PTAFR: variants seen among roughly 807,000 people sequenced by gnomAD.
The protein encoded by PTAFR is platelet activating factor receptor, also known as platelet-activating factor receptor.
A neutral mutation model predicts 14.7 loss-of-function variants in PTAFR; 8 were observed. The ratio of observed to expected loss-of-function variants is 0.54; its 90% CI spans 0.32 to 0.98. The LOEUF is 0.98. Among genes scored for constraint, PTAFR ranks in the 50% least tolerant of loss-of-function variants. The pLI, the probability that PTAFR is intolerant of heterozygous loss-of-function variation, is 0.04. For synonymous variants in PTAFR, 156 were observed against 176.5 expected, an observed-to-expected ratio of 0.88 and a Z score of 0.92; for missense variants, 337 against 451.2, an observed-to-expected ratio of 0.75 and a Z score of 2.29.
chr1:28,180,882 G>A (rs1646556628), upstream of PTAFR, among the ~76,000 whole-genome samples: 1 of 152,000 alleles, frequency 6.6e-6, no homozygotes, highest in Admixed American at 6.6e-5. Flanking sequence ...TACAGAGTAT[G>A]AAGAAAAAAG....
At chr1:28,193,207 T>C (rs775706692) in intron 1 of PTAFR, among the ~76,000 whole-genome samples, 4 of 151,984 alleles carry the variant, frequency 2.6e-5, no homozygotes, top group Non-Finnish European at 5.9e-5. Flanking sequence ...AAGATATTTG[T>C]GAGACCTTGC....
rs756535859 is a variant in PTAFR at position 28,149,953 on chromosome 1, A to T, written c.*40T>A. The T allele has an allele frequency of 1.9e-6, 3 of 1,577,454 alleles. No homozygotes were observed. Among genetic ancestry groups the T allele is most frequent in the Admixed American group, 1.7e-5 (1 of 57,564 alleles). ...CCTTCTTCCCCCAGCTCAGTCCATG[A>T]TGTTCATGGAGGAGAAGACTTCAGG... is the stretch of plus-strand genomic sequence containing the variant. On this transcript the variant is annotated 3_prime_UTR_variant, in exon 2 of 2. Transcript: ENST00000373857.
intron 1 of PTAFR, among the ~76,000 whole-genome samples, chr1:28,190,460 A>T (rs558561514): frequency 9.2e-5 from 14 of 152,272 alleles, no homozygotes; most frequent in Non-Finnish European, 1.9e-4. Flanking sequence ...CTGTTTTGTA[A>T]TATTATTCTA....
chr1:28,182,345 G>A (rs1326616497), intron 1 of PTAFR, among the ~76,000 whole-genome samples: 1 of 144,916 alleles, frequency 6.9e-6, no homozygotes, highest in African/African-American at 2.5e-5. Flanking sequence ...AAAAAAGAAA[G>A]AGAGAGAGAG....
intron 1 of PTAFR, among the ~76,000 whole-genome samples, chr1:28,157,663 C>CT (rs1646280241): frequency 2.1e-5 from 3 of 146,084 alleles, no homozygotes; most frequent in African/African-American, 7.9e-5. Flanking sequence ...GAGTCTCCCT[C>CT]TGTCACCCAG....
intron 1 of PTAFR, among the ~76,000 whole-genome samples, chr1:28,174,172 G>A (rs1472367562): frequency 2.0e-5 from 3 of 152,060 alleles, no homozygotes; most frequent in African/African-American, 7.2e-5. Context: ...CTGCAGCAGG[G>A]TCCCAGCACT....
intron 1 of PTAFR, among the ~76,000 whole-genome samples, chr1:28,161,907 G>T (rs1646328237): frequency 6.6e-6 from 1 of 152,158 alleles, no homozygotes; most frequent in Non-Finnish European, 1.5e-5. Context: ...GTAAGAGGAC[G>T]ATCTGGATTA....
chr1:28,174,694 A>G (rs1343178953), intron 1 of PTAFR, among the ~76,000 whole-genome samples: 1 of 152,184 alleles, frequency 6.6e-6, no homozygotes, highest in Non-Finnish European at 1.5e-5. Flanking sequence ...TGTCCTGTGC[A>G]TATTCTAAGC....
At chr1:28,167,633 ATTTTT>A (rs780344665) in intron 1 of PTAFR, among the ~76,000 whole-genome samples, 11 of 80,230 alleles carry the variant, frequency 1.4e-4, no homozygotes, top group East Asian at 8.2e-4. Flanking sequence ...TGAAAACGGG[ATTTTT>A]TTTTTTTTTT....
chr1:28,154,793 C>A, intron 1 of PTAFR, among the ~76,000 whole-genome samples: 1 of 106,836 alleles, frequency 9.4e-6, no homozygotes, highest in African/African-American at 3.8e-5. Context: ...GCCTGGGTGA[C>A]AGAGCAAGAC....
At chr1:28,152,153 T>A (rs892470682) in intron 1 of PTAFR, among the ~76,000 whole-genome samples, 3 of 152,082 alleles carry the variant, frequency 2.0e-5, no homozygotes, top group African/African-American at 7.2e-5. Context: ...AGCCTTGGCC[T>A]CCCAAAGTGC....
chr1:28,163,787 A>G (rs1417709686), intron 1 of PTAFR, among the ~76,000 whole-genome samples: 1 of 152,160 alleles, frequency 6.6e-6, no homozygotes, highest in East Asian at 1.9e-4. Flanking sequence ...TGACCTACAC[A>G]CTGGCTTTCC....
At chr1:28,178,120 G>A (rs1269150410), upstream of PTAFR, among the ~76,000 whole-genome samples, 2 of 152,132 alleles carry the variant, frequency 1.3e-5, no homozygotes, top group African/African-American at 4.8e-5. Flanking sequence ...CCACAGCAAG[G>A]CAGGTATAAG....
chr1:28,160,875 G>A (rs1490820629), intron 1 of PTAFR, among the ~76,000 whole-genome samples: 1 of 152,088 alleles, frequency 6.6e-6, no homozygotes, highest in Non-Finnish European at 1.5e-5. Flanking sequence ...TCAATCCCAG[G>A]CTCCTGGCCC....
intron 1 of PTAFR, among the ~76,000 whole-genome samples, chr1:28,153,581 CA>C (rs36049566): frequency 0.33 from 21,032 of 62,810 alleles, 1,420 homozygotes; most frequent in African/African-American, 0.44. Context: ...CCTGTCTCTA[CA>C]AAAAAAAAAA....
intron 1 of PTAFR, among the ~76,000 whole-genome samples, chr1:28,156,492 G>A (rs1169807191): frequency 2.0e-5 from 3 of 152,074 alleles, no homozygotes; most frequent in African/African-American, 4.8e-5. Context: ...AATTGTTTAT[G>A]TTTTAGAAAA....
intron 1 of PTAFR, among the ~76,000 whole-genome samples, chr1:28,193,212 C>G (rs141026625): frequency 6.6e-6 from 1 of 151,620 alleles, no homozygotes; most frequent in Non-Finnish European, 1.5e-5. Flanking sequence ...ATTTGTGAGA[C>G]CTTGCGGAGT....
chr1:28,183,071 G>T (rs573156257), intron 1 of PTAFR, among the ~76,000 whole-genome samples: 1 of 151,420 alleles, frequency 6.6e-6, no homozygotes, highest in East Asian at 1.9e-4. Context: ...AGCAATACTT[G>T]TTGAGCTTTT....
chr1:28,182,739 G>T (rs749700101), intron 1 of PTAFR, among the ~76,000 whole-genome samples: 1 of 152,032 alleles, frequency 6.6e-6, no homozygotes, highest in Non-Finnish European at 1.5e-5. Flanking sequence ...GGAGCGCAAC[G>T]GCACGATCTC....
Sources: allele counts gnomAD v4.1 joint callset (sites outside exome capture counted in the v4.1 genomes callset), GRCh38; gene constraint gnomAD v4.1.1; transcripts MANE v1.5; gene names NCBI Gene and HGNC (gene_info 2026-07-23, HGNC 2026-07-21).